The following ADAM7 variants were observed in gnomAD, a reference collection of about 807,000 sequenced individuals.
ADAM7 encodes the protein ADAM metallopeptidase domain 7, also known as disintegrin and metalloproteinase domain-containing protein 7.
A neutral mutation model predicts 102.9 loss-of-function variants in ADAM7; 97 were observed. The observed-to-expected ratio is 0.94, with a 90% CI of 0.80 to 1.12. The LOEUF is 1.12. Among genes scored for constraint, ADAM7 ranks in the 50% most tolerant of loss-of-function variants. The pLI is 0.00. For synonymous variants in ADAM7, 334 were observed against 304.4 expected (o/e 1.10, Z -1.01); for missense variants, 991 against 908.7 (o/e 1.09, Z -1.16).
chr8:24,500,986 A>C (rs1820740295), intron 19 of ADAM7, 91 bp downstream of exon 19: 1 of 1,056,654 alleles, frequency 9.5e-7, no homozygotes, highest in Non-Finnish European at 1.4e-6. Context: ...AATGGGGGGA[A>C]GTATAAGCTT....
chr8:24,504,346 C>T (rs1171800237), intron 20 of ADAM7, among the ~76,000 whole-genome samples: 1 of 151,722 alleles, frequency 6.6e-6, no homozygotes, highest in African/African-American at 2.4e-5. Flanking sequence ...CCAACCTGGG[C>T]TACATAGTGA....
chr8:24,505,097 T>A (rs528773151), intron 20 of ADAM7, among the ~76,000 whole-genome samples: 1 of 152,192 alleles, frequency 6.6e-6, no homozygotes, highest in African/African-American at 2.4e-5. Flanking sequence ...GTGATTGGTA[T>A]ACACTTAGCA....
rs142970523 is a variant in ADAM7, at chr8:24,442,261, T to C, written c.53-212T>C. Among the ~76,000 whole-genome samples the C allele has an allele frequency of 9.5e-3, 1,445 of 152,300 alleles. 11 individuals are homozygous for C. Among genetic ancestry groups the C allele is most frequent in the Non-Finnish European group, 0.014 (949 of 68,018 alleles). On this transcript the variant is annotated intron_variant, in intron 1 of 21. Transcript: ENST00000175238. ...AGGAAATGGAGGGACACTGATTTCT[T>C]TGGCTCCTTTCCAAGTTTCCTTATA...
At chr8:24,489,404 C>A in intron 12 of ADAM7, 71 bp downstream of exon 12, 1 of 1,419,000 alleles carries the variant, frequency 7.0e-7, no homozygotes. Context: ...GGGATGTGGC[C>A]ATTAATCAAA....
intron 3 of ADAM7, among the ~76,000 whole-genome samples, chr8:24,455,144 ATG>A (rs1361280015): frequency 1.3e-5 from 2 of 152,176 alleles, no homozygotes; most frequent in African/African-American, 4.8e-5. Context: ...AAAGTTTACT[ATG>A]ATAAAATTTT....
intron 6 of ADAM7, chr8:24,467,215 G>A: frequency 1.7e-6 from 1 of 571,992 alleles, no homozygotes; most frequent in Non-Finnish European, 3.1e-6. Flanking sequence ...ACAATTCTAT[G>A]TATAGATTGA....
At position 24,481,199 on chromosome 8, in the gene ADAM7, C is replaced by A. The variant is rs142904051; in HGVS notation, c.706-943C>A. ...AACTTCGGGAGAGTTTAAAAGGCAC[C>A]TAATTCCCATGATTATGAAATGACT... On this transcript the variant is annotated intron_variant, in intron 8 of 21. Transcript: ENST00000175238. 4.7e-3 allele frequency among the ~76,000 whole-genome samples: 719 copies of A among 152,242 alleles called. 4 individuals are homozygous for A. The highest frequency in any genetic ancestry group is 0.016 in the African/African-American group (685 of 41,544).
chr8:24,490,778 C>G, intron 12 of ADAM7, 21 bp from the exon 13 acceptor site: 1 of 1,607,674 alleles, frequency 6.2e-7, no homozygotes, highest in South Asian at 1.1e-5. Context: ...TTTCTCATCT[C>G]TCTTTTGTGG....
chr8:24,502,236 A>T (rs1820787683), intron 20 of ADAM7, among the ~76,000 whole-genome samples: 1 of 152,086 alleles, frequency 6.6e-6, no homozygotes, highest in African/African-American at 2.4e-5. Flanking sequence ...TGAAAATTAA[A>T]TACCACGTGC....
At chr8:24,486,255 C>A (rs1188781658) in intron 10 of ADAM7, among the ~76,000 whole-genome samples, 1 of 152,124 alleles carries the variant, frequency 6.6e-6, no homozygotes, top group Non-Finnish European at 1.5e-5. Context: ...GATAGCCCAC[C>A]TCTTTTTGGA....
In ADAM7 at chr8:24,442,456, CTT is replaced by C; in HGVS notation, c.53-16_53-15del. ...GTTAATGTCAGACGGATTTTTTCCT[CTT>C]ATGTTTCCTCGTAGAAAAGTTCATC... On this transcript the variant is annotated splice_polypyrimidine_tract_variant and intron_variant, in intron 1 of 21. Transcript: ENST00000175238. 1 of 1,574,482 alleles carries C rather than the reference CTT, an allele frequency of 6.4e-7. No homozygotes were observed. The highest frequency in any genetic ancestry group is 8.7e-7 in the Non-Finnish European group (1 of 1,144,096).
chr8:24,480,154 C>G (rs1376483388), intron 8 of ADAM7, among the ~76,000 whole-genome samples: 1 of 152,152 alleles, frequency 6.6e-6, no homozygotes, highest in Non-Finnish European at 1.5e-5. Context: ...TTTATCACTT[C>G]CCTAGCATTG....
intron 1 of ADAM7, 67 bp from the exon 2 acceptor site, chr8:24,442,406 T>A (rs1231313153): frequency 9.3e-7 from 1 of 1,077,210 alleles, no homozygotes; most frequent in Non-Finnish European, 1.4e-6. Flanking sequence ...AGAACAATTC[T>A]GTTTTTCAGC....
Position 24,489,312 on chromosome 8 carries a change from G to T in ADAM7, c.1245G>T (p.Glu415Asp). The T allele has an allele frequency of 6.2e-7, 1 of 1,612,542 alleles. No homozygotes were observed. The highest frequency in any genetic ancestry group is 2.2e-5 in the East Asian group (1 of 44,804). Residue 415 changes from glutamate to aspartate, a missense_variant, in exon 12 of 22, where the codon GAG becomes GAT. By Grantham distance (45) the Glu-to-Asp change is conservative. Coordinates refer to ENST00000175238, the MANE Select transcript of ADAM7 (RefSeq NM_003817.4). Reference protein sequence around the residue: ...CGNKKLDEGEECDCGPAQECT... With the variant: ...CGNKKLDEGEDCDCGPAQECT... ...ACAAGAAGTTGGATGAGGGTGAAGA[G>T]TGTGACTGTGGCCCTGCTCAGGTAT...
Position 24,493,236 on chromosome 8 carries a change from C to A in ADAM7, c.1842+7C>A. 1 of 1,579,638 alleles carries A rather than the reference C, an allele frequency of 6.3e-7. No individual in the cohort carries two copies. ...AAAATGTGGAGAGGGAATGGTAAGACAAAAGCCCTTTGTTTTATTAAAACT... is the reference window on the plus strand; with the variant it reads ...AAAATGTGGAGAGGGAATGGTAAGAAAAAAGCCCTTTGTTTTATTAAAACT... On this transcript the variant is annotated splice_region_variant and intron_variant, in intron 16 of 21. Coordinates refer to ENST00000175238, the MANE Select transcript of ADAM7 (RefSeq NM_003817.4).
chr8:24,490,750 A>T (rs746085189), intron 12 of ADAM7, 49 bp from the exon 13 acceptor site: 38 of 1,552,568 alleles, frequency 2.4e-5, no homozygotes, highest in Non-Finnish European at 3.4e-5. Flanking sequence ...TTCAAACAGG[A>T]GTCAGAGTAC....
At chr8:24,487,871 C>T (rs1820197958) in intron 11 of ADAM7, among the ~76,000 whole-genome samples, 2 of 152,064 alleles carry the variant, frequency 1.3e-5, no homozygotes, top group Non-Finnish European at 2.9e-5. Context: ...CAAAAGTACA[C>T]CATGAACAAT....
At chr8:24,482,683 A>G (rs1237634715) in intron 9 of ADAM7, among the ~76,000 whole-genome samples, 2 of 152,146 alleles carry the variant, frequency 1.3e-5, no homozygotes, top group Admixed American at 1.3e-4. Context: ...CAGGAGGTTA[A>G]GGATAACATG....
intron 2 of ADAM7, 110 bp from the exon 3 acceptor site, chr8:24,447,076 A>G: frequency 2.0e-6 from 1 of 498,516 alleles, no homozygotes; most frequent in Non-Finnish European, 3.6e-6. Flanking sequence ...TTTGGCTGAA[A>G]GGACTGCTGG....
Sources: allele counts gnomAD v4.1 joint callset (sites outside exome capture counted in the v4.1 genomes callset), GRCh38; gene constraint gnomAD v4.1.1; transcripts MANE v1.5; gene names NCBI Gene and HGNC (gene_info 2026-07-23, HGNC 2026-07-21).